NCKAP5: variants seen among roughly 807,000 people sequenced by gnomAD.
NCKAP5 encodes NCK associated protein 5, also known as nck-associated protein 5.
In NCKAP5, 92 loss-of-function variants were observed where a neutral mutation model predicts 167.0. That is an observed-to-expected ratio of 0.55 (90% CI 0.47 to 0.66). The LOEUF is 0.66. Ranked by LOEUF, NCKAP5 falls within the 30% of genes least tolerant of loss-of-function variation. The probability of loss-of-function intolerance (pLI) is 0.00; values close to 1 mark genes in which losing one functional copy is unlikely to be tolerated. For synonymous variants in NCKAP5, 891 were observed against 877.4 expected (o/e 1.02, Z -0.27); for missense variants, 2,378 against 2,315.0 (o/e 1.03, Z -0.56).
At chr2:133,274,851 T>C (rs1176317338) in intron 4 of NCKAP5, among the ~76,000 whole-genome samples, 3 of 151,704 alleles carry the variant, frequency 2.0e-5, no homozygotes, top group Non-Finnish European at 4.4e-5. Flanking sequence ...AAACTAAACA[T>C]AAAAAGCAAA....
intron 11 of NCKAP5, among the ~76,000 whole-genome samples, chr2:132,813,773 G>A (rs1412260224): frequency 6.6e-6 from 1 of 152,012 alleles, no homozygotes; most frequent in Non-Finnish European, 1.5e-5. Flanking sequence ...TCAGTGTTTT[G>A]GAGAACCAAA....
At chr2:133,351,323 G>A (rs1291641075) in intron 3 of NCKAP5, among the ~76,000 whole-genome samples, 8 of 152,046 alleles carry the variant, frequency 5.3e-5, no homozygotes, top group African/African-American at 9.7e-5. Context: ...GGAATGAGAC[G>A]GGCCCAAGTG....
chr2:133,297,840 A>G (rs1321251834), intron 4 of NCKAP5, among the ~76,000 whole-genome samples: 2 of 152,202 alleles, frequency 1.3e-5, no homozygotes, highest in East Asian at 3.9e-4. Flanking sequence ...AGCAATGACA[A>G]ATAGCCCACT....
intron 5 of NCKAP5, among the ~76,000 whole-genome samples, chr2:133,155,452 C>T (rs949311040): frequency 1.3e-5 from 2 of 152,014 alleles, no homozygotes; most frequent in African/African-American, 4.8e-5. Flanking sequence ...CTTTGAGAAC[C>T]CCTGCCACAG....
At chr2:133,036,331 G>A (rs1386659945) in intron 6 of NCKAP5, among the ~76,000 whole-genome samples, 3 of 151,934 alleles carry the variant, frequency 2.0e-5, no homozygotes, top group African/African-American at 4.8e-5. Context: ...TACAAGGTCT[G>A]TATTACCCTC....
chr2:132,697,196 T>C (rs1687420244), intron 19 of NCKAP5, among the ~76,000 whole-genome samples: 1 of 152,204 alleles, frequency 6.6e-6, no homozygotes, highest in Non-Finnish European at 1.5e-5. Flanking sequence ...GACATCCTTA[T>C]GCTTCTAACA....
chr2:133,604,000 A>G, the NCKAP5 span, among the ~76,000 whole-genome samples: 1 of 152,184 alleles, frequency 6.6e-6, no homozygotes, highest in African/African-American at 2.4e-5. Flanking sequence ...TACTGCTGTG[A>G]GTCCTGGGAG....
At chr2:133,383,979 T>C (rs192014804) in intron 3 of NCKAP5, among the ~76,000 whole-genome samples, 6 of 152,334 alleles carry the variant, frequency 3.9e-5, no homozygotes, top group African/African-American at 1.4e-4. Flanking sequence ...ATGAATAGAT[T>C]GCAAAAATTT....
intron 8 of NCKAP5, among the ~76,000 whole-genome samples, chr2:132,892,286 A>G (rs1422854769): frequency 6.6e-6 from 1 of 152,158 alleles, no homozygotes; most frequent in Non-Finnish European, 1.5e-5. Context: ...TTATCAACTC[A>G]TTATTACATT....
chr2:132,967,338 T>C (rs943906672), intron 7 of NCKAP5, among the ~76,000 whole-genome samples: 1 of 152,212 alleles, frequency 6.6e-6, no homozygotes, highest in African/African-American at 2.4e-5. Flanking sequence ...TTTACATAAT[T>C]TGAAGAAAGG....
At chr2:133,102,808 G>A (rs2149685572) in intron 6 of NCKAP5, among the ~76,000 whole-genome samples, 1 of 147,526 alleles carries the variant, frequency 6.8e-6, no homozygotes. Context: ...AAACACAATG[G>A]CTGCATGGGT....
At chr2:133,098,274 C>T (rs780582475) in intron 6 of NCKAP5, among the ~76,000 whole-genome samples, 4 of 152,172 alleles carry the variant, frequency 2.6e-5, no homozygotes, top group Non-Finnish European at 5.9e-5. Flanking sequence ...ATGTGACCAA[C>T]GCCTTAAAAT....
At chr2:133,201,127 T>C (rs926585305) in intron 5 of NCKAP5, among the ~76,000 whole-genome samples, 1 of 152,162 alleles carries the variant, frequency 6.6e-6, no homozygotes, top group African/African-American at 2.4e-5. Flanking sequence ...GATACCATGA[T>C]AGTTGATGTG....
chr2:133,102,182 T>C (rs1559140214), intron 6 of NCKAP5, among the ~76,000 whole-genome samples: 1 of 152,198 alleles, frequency 6.6e-6, no homozygotes, highest in Non-Finnish European at 1.5e-5. Context: ...AGTCTCCCTC[T>C]GTCACCCAGG....
intron 4 of NCKAP5, among the ~76,000 whole-genome samples, chr2:133,285,681 C>T (rs901682398): frequency 6.6e-6 from 1 of 152,122 alleles, no homozygotes; most frequent in African/African-American, 2.4e-5. Flanking sequence ...GAGAGCAACT[C>T]GAAGAATCTT....
chr2:132,924,726 A>C (rs1695715360), intron 8 of NCKAP5, among the ~76,000 whole-genome samples: 1 of 152,182 alleles, frequency 6.6e-6, no homozygotes, highest in Non-Finnish European at 1.5e-5. Flanking sequence ...TCATTTGACT[A>C]AGCTTAGTGA....
chr2:132,970,755 C>A (rs960138861), intron 7 of NCKAP5, among the ~76,000 whole-genome samples: 1 of 152,108 alleles, frequency 6.6e-6, no homozygotes, highest in Non-Finnish European at 1.5e-5. Flanking sequence ...CATCATCAGG[C>A]CTATGTAAAA....
At chr2:132,917,970 T>C (rs1301210580) in intron 8 of NCKAP5, among the ~76,000 whole-genome samples, 1 of 152,188 alleles carries the variant, frequency 6.6e-6, no homozygotes, top group Non-Finnish European at 1.5e-5. Flanking sequence ...AACCAAGAAG[T>C]ATATTATACC....
At chr2:133,651,210 A>G in the NCKAP5 span, among the ~76,000 whole-genome samples, 1 of 152,230 alleles carries the variant, frequency 6.6e-6, no homozygotes. Flanking sequence ...AGTGAAAGGT[A>G]ACCTGTATAA....
Sources: gnomAD v4.1 joint callset for allele counts (sites outside exome capture counted in the v4.1 genomes callset) on GRCh38, gnomAD v4.1.1 for gene constraint, MANE v1.5 for transcripts, NCBI Gene and HGNC (gene_info 2026-07-23, HGNC 2026-07-21) for gene names.